ZNG1B: variants seen among roughly 807,000 people sequenced by gnomAD.
ZNG1B encodes Zn regulated GTPase metalloprotein activator 1B.
chr2:113,438,269 C>T, the ZNG1B span, among the ~76,000 whole-genome samples: 2 of 152,220 alleles, frequency 1.3e-5, no homozygotes, highest in South Asian at 4.1e-4. Flanking sequence ...TGAAACAAGG[C>T]TTTGACGCTA....
chr2:113,487,121 AT>A, the ZNG1B span, among the ~76,000 whole-genome samples: 4 of 152,214 alleles, frequency 2.6e-5, no homozygotes, highest in African/African-American at 4.8e-5. Context: ...ACTGCATAAG[AT>A]TACGATGGAG....
At chr2:113,467,075 A>C in the ZNG1B span, among the ~76,000 whole-genome samples, 50 of 149,894 alleles carry the variant, frequency 3.3e-4, no homozygotes, top group East Asian at 1.9e-3. Context: ...AAAAAAAAAA[A>C]AAACAAACAA....
the ZNG1B span, among the ~76,000 whole-genome samples, chr2:113,456,358 T>A: frequency 6.6e-6 from 1 of 151,988 alleles, no homozygotes; most frequent in African/African-American, 2.4e-5. Context: ...TTATTCATTT[T>A]GAATGTTTAT....
chr2:113,448,865 T>G, the ZNG1B span, among the ~76,000 whole-genome samples: 1 of 151,250 alleles, frequency 6.6e-6, no homozygotes, highest in Non-Finnish European at 1.5e-5. Context: ...GATTGCACAT[T>G]GCACTCCAGC....
chr2:113,438,399 ACCTACCTGTTG>A, the ZNG1B span, among the ~76,000 whole-genome samples: 1 of 151,824 alleles, frequency 6.6e-6, no homozygotes, highest in Admixed American at 6.6e-5. Context: ...GGCCGGAACC[ACCTACCTGTTG>A]CCATTAAAGG....
chr2:113,488,417 G>A, the ZNG1B span, among the ~76,000 whole-genome samples: 1 of 152,044 alleles, frequency 6.6e-6, no homozygotes, highest in Admixed American at 6.6e-5. Flanking sequence ...CAAATGAGAA[G>A]GAACCAGAAA....
chr2:113,467,388 C>CTA, the ZNG1B span, among the ~76,000 whole-genome samples: 1 of 111,080 alleles, frequency 9.0e-6, no homozygotes, highest in African/African-American at 3.8e-5. Flanking sequence ...TTAATCTTCT[C>CTA]TAGACTTTTT....
At chr2:113,443,396 G>A in the ZNG1B span, among the ~76,000 whole-genome samples, 1 of 151,678 alleles carries the variant, frequency 6.6e-6, no homozygotes, top group Non-Finnish European at 1.5e-5. Context: ...AGAGGTTGAA[G>A]GGCATACAAA....
chr2:113,476,341 C>G, the ZNG1B span, among the ~76,000 whole-genome samples: 4 of 151,238 alleles, frequency 2.6e-5, no homozygotes, highest in Admixed American at 2.6e-4. Flanking sequence ...TCAGCTCCAT[C>G]AGCTCCTTTA....
the ZNG1B span, among the ~76,000 whole-genome samples, chr2:113,467,249 G>T: frequency 7.7e-6 from 1 of 130,714 alleles, no homozygotes; most frequent in African/African-American, 3.0e-5. Flanking sequence ...GTAGTTAAGA[G>T]TAAGGAAAAG....
the ZNG1B span, among the ~76,000 whole-genome samples, chr2:113,489,602 T>A: frequency 6.6e-6 from 1 of 152,220 alleles, no homozygotes; most frequent in Admixed American, 6.5e-5. Context: ...ACCAACCATC[T>A]GTTGCCTTCA....
the ZNG1B span, among the ~76,000 whole-genome samples, chr2:113,452,293 G>A: frequency 5.3e-5 from 8 of 152,142 alleles, no homozygotes; most frequent in South Asian, 6.2e-4. Context: ...TGTTGACACC[G>A]AGTGATGCTT....
the ZNG1B span, among the ~76,000 whole-genome samples, chr2:113,477,770 G>A: frequency 6.6e-6 from 1 of 152,188 alleles, no homozygotes; most frequent in Non-Finnish European, 1.5e-5. Flanking sequence ...TCTCTGGAAC[G>A]TTTCACTCTT....
chr2:113,446,663 T>C, the ZNG1B span, among the ~76,000 whole-genome samples: 1 of 148,520 alleles, frequency 6.7e-6, no homozygotes, highest in African/African-American at 2.5e-5. Context: ...TGAGAATCAC[T>C]TCAAAGCTGG....
the ZNG1B span, among the ~76,000 whole-genome samples, chr2:113,474,327 G>A: frequency 6.7e-6 from 1 of 149,026 alleles, no homozygotes; most frequent in East Asian, 2.0e-4. Flanking sequence ...TGGGATCGGT[G>A]GTGATATCCC....
chr2:113,442,641 G>A, the ZNG1B span, among the ~76,000 whole-genome samples: 9 of 151,544 alleles, frequency 5.9e-5, no homozygotes, highest in South Asian at 1.0e-3. Context: ...GATCATTTTC[G>A]CAATTTTATT....
chr2:113,461,409 T>A, the ZNG1B span, among the ~76,000 whole-genome samples: 1 of 151,906 alleles, frequency 6.6e-6, no homozygotes, highest in African/African-American at 2.4e-5. Context: ...GTAACTTTTT[T>A]CCTTATGAAA....
At chr2:113,464,265 G>T in the ZNG1B span, among the ~76,000 whole-genome samples, 1 of 110,674 alleles carries the variant, frequency 9.0e-6, no homozygotes. Flanking sequence ...TGTTTGAGAG[G>T]AATTAGCCAT....
chr2:113,463,634 T>C, the ZNG1B span, among the ~76,000 whole-genome samples: 2 of 152,166 alleles, frequency 1.3e-5, no homozygotes, highest in Non-Finnish European at 2.9e-5. Flanking sequence ...GGAATCTGCT[T>C]GGGTTCTAAT....
Sources: gnomAD v4.1 joint callset for allele counts (sites outside exome capture counted in the v4.1 genomes callset) on GRCh38, gnomAD v4.1.1 for gene constraint, MANE v1.5 for transcripts, NCBI Gene and HGNC (gene_info 2026-07-23, HGNC 2026-07-21) for gene names.